The following CHN2 variants were observed in gnomAD, a reference collection of about 807,000 sequenced individuals.
CHN2 encodes chimerin 2.
A neutral mutation model predicts 56.3 loss-of-function variants in CHN2; 35 were observed. That is an observed-to-expected ratio of 0.62 (90% CI 0.47 to 0.82). The LOEUF is 0.82. CHN2 is among the 40% of genes least tolerant of loss of function. CHN2 has a pLI of 0.00. For synonymous variants in CHN2, 210 were observed against 212.8 expected (o/e 0.99, Z 0.12); for missense variants, 491 against 580.5 (o/e 0.85, Z 1.58).
At chr7:29,293,593 C>T (rs894163065) in intron 1 of CHN2, among the ~76,000 whole-genome samples, 14 of 152,156 alleles carry the variant, frequency 9.2e-5, no homozygotes, top group African/African-American at 3.1e-4. Context: ...GGCCTCCTTG[C>T]AGTTCCCGCA....
intron 2 of CHN2, among the ~76,000 whole-genome samples, chr7:29,161,840 A>G (rs941352919): frequency 6.6e-6 from 1 of 152,240 alleles, no homozygotes; most frequent in African/African-American, 2.4e-5. Flanking sequence ...TGAGAAAACA[A>G]TCTGATTTTT....
chr7:29,322,226 C>T (rs1431967778), intron 1 of CHN2, among the ~76,000 whole-genome samples: 5 of 152,224 alleles, frequency 3.3e-5, no homozygotes, highest in African/African-American at 1.2e-4. Context: ...TCTCCACCAG[C>T]AGGTCTCTGC....
At chr7:29,499,369 G>C (rs1238716508) in intron 8 of CHN2, among the ~76,000 whole-genome samples, 1 of 152,182 alleles carries the variant, frequency 6.6e-6, no homozygotes, top group Middle Eastern at 3.2e-3. Flanking sequence ...CAGGAAAGGG[G>C]AAGAGGATAC....
At chr7:29,457,602 A>G (rs1784860963) in intron 6 of CHN2, among the ~76,000 whole-genome samples, 1 of 151,982 alleles carries the variant, frequency 6.6e-6, no homozygotes, top group African/African-American at 2.4e-5. Flanking sequence ...TTTTAATTTC[A>G]CTCTGAGGTT....
At chr7:29,386,970 G>T (rs776789325) in intron 3 of CHN2, among the ~76,000 whole-genome samples, 1 of 152,192 alleles carries the variant, frequency 6.6e-6, no homozygotes, top group South Asian at 2.1e-4. Flanking sequence ...AGGCATTAGC[G>T]CTGATTAGTA....
intron 2 of CHN2, among the ~76,000 whole-genome samples, chr7:29,177,928 G>A (rs577595508): frequency 7.2e-5 from 11 of 152,016 alleles, no homozygotes; most frequent in Admixed American, 2.0e-4. Context: ...CACAACCCTC[G>A]GTTCCATCCC....
At chr7:29,421,538 C>T (rs1021243983) in intron 6 of CHN2, among the ~76,000 whole-genome samples, 1 of 152,220 alleles carries the variant, frequency 6.6e-6, no homozygotes, top group African/African-American at 2.4e-5. Flanking sequence ...ATTGGGACAA[C>T]CAAAGCTCCT....
intron 1 of CHN2, among the ~76,000 whole-genome samples, chr7:29,351,640 G>A (rs1797895785): frequency 6.6e-6 from 1 of 152,144 alleles, no homozygotes; most frequent in Admixed American, 6.5e-5. Flanking sequence ...CTATTGGAGG[G>A]CATTTTACCT....
intron 1 of CHN2, among the ~76,000 whole-genome samples, chr7:29,302,759 T>C (rs987016894): frequency 2.0e-5 from 3 of 152,140 alleles, no homozygotes; most frequent in African/African-American, 7.2e-5. Flanking sequence ...AATAACTCTC[T>C]ATTCTCCTCC....
chr7:29,342,878 A>G (rs1426624854), intron 1 of CHN2, among the ~76,000 whole-genome samples: 1 of 152,222 alleles, frequency 6.6e-6, no homozygotes, highest in Non-Finnish European at 1.5e-5. Context: ...GGATGAATGA[A>G]TAAGTTGATG....
At chr7:29,449,526 A>G (rs1166700467) in intron 6 of CHN2, among the ~76,000 whole-genome samples, 1 of 152,268 alleles carries the variant, frequency 6.6e-6, no homozygotes, top group African/African-American at 2.4e-5. Flanking sequence ...TGAGTGGTCC[A>G]GACAGGACAG....
At chr7:29,379,204 G>A (rs1213545377) in intron 3 of CHN2, among the ~76,000 whole-genome samples, 8 of 152,228 alleles carry the variant, frequency 5.3e-5, no homozygotes, top group Admixed American at 5.2e-4. Context: ...AGAGGCCAAA[G>A]CAGTTACAAG....
chr7:29,225,080 T>A (rs1414293398), intron 1 of CHN2, among the ~76,000 whole-genome samples: 2 of 152,244 alleles, frequency 1.3e-5, no homozygotes, highest in Non-Finnish European at 2.9e-5. Flanking sequence ...ACAGCAAGAT[T>A]GCTTTTAGTT....
rs78084293 is a variant in CHN2 at position 29,493,400 on chromosome 7, G to A, written c.655-2552G>A. Among the ~76,000 whole-genome samples, 757 of 152,192 alleles carry A rather than the reference G, an allele frequency of 5.0e-3. 8 individuals carry two copies. Among genetic ancestry groups the A allele is most frequent in the African/African-American group, 0.017 (711 of 41,520 alleles). On this transcript the variant is annotated intron_variant, in intron 7 of 12. Transcript: ENST00000222792. ...TAAGTGATGCATGACCATACTTTTT[G>A]TTCATTCACACAATTTTAAATATCA...
At chr7:29,463,146 C>A (rs183583319) in intron 6 of CHN2, among the ~76,000 whole-genome samples, 108 of 152,200 alleles carry the variant, frequency 7.1e-4, no homozygotes, top group Non-Finnish European at 1.0e-3. Context: ...CCTAGCATTT[C>A]TTTTTGTGAG....
intron 2 of CHN2, among the ~76,000 whole-genome samples, chr7:29,185,851 A>G (rs138460983): frequency 4.4e-4 from 67 of 152,288 alleles, no homozygotes; most frequent in African/African-American, 1.6e-3. Flanking sequence ...AGCAAGACCA[A>G]TATGTAGATA....
intron 2 of CHN2, among the ~76,000 whole-genome samples, chr7:29,173,499 A>G (rs561866920): frequency 6.6e-6 from 1 of 152,170 alleles, no homozygotes; most frequent in East Asian, 1.9e-4. Flanking sequence ...CAATATTATA[A>G]CTTTCTTTCC....
chr7:29,475,407 C>G (rs1348441959), intron 6 of CHN2, among the ~76,000 whole-genome samples: 2 of 152,124 alleles, frequency 1.3e-5, no homozygotes, highest in East Asian at 3.9e-4. Flanking sequence ...CGTTGACAGA[C>G]TATAATGGGG....
chr7:29,235,234 G>A (rs1413056132), intron 1 of CHN2, among the ~76,000 whole-genome samples: 1 of 152,114 alleles, frequency 6.6e-6, no homozygotes, highest in Non-Finnish European at 1.5e-5. Flanking sequence ...GACATGAGCA[G>A]ACACTTCTCA....
Sources: allele counts gnomAD v4.1 joint callset (sites outside exome capture counted in the v4.1 genomes callset), GRCh38; gene constraint gnomAD v4.1.1; transcripts MANE v1.5; gene names NCBI Gene and HGNC (gene_info 2026-07-23, HGNC 2026-07-21).